Variants in GRID2 observed in about 807,000 individuals in gnomAD.
The protein encoded by GRID2 is glutamate receptor ionotropic, delta-2.
Under a neutral mutation model 114.8 loss-of-function variants are expected in GRID2, and 33 were observed. The ratio of observed to expected loss-of-function variants is 0.29; its 90% CI spans 0.22 to 0.38. The LOEUF is 0.38. Among genes scored for constraint, GRID2 ranks in the 10% least tolerant of loss-of-function variants. The pLI is 1.00. For missense variants in GRID2, 1,184 were observed against 1,257.7 expected, an observed-to-expected ratio of 0.94 and a Z score of 0.89; for synonymous variants, 505 against 449.9, an observed-to-expected ratio of 1.12 and a Z score of -1.55.
At chr4:92,561,554 C>A (rs888074529) in intron 1 of GRID2, among the ~76,000 whole-genome samples, 37 of 152,244 alleles carry the variant, frequency 2.4e-4, no homozygotes, top group African/African-American at 8.2e-4. Flanking sequence ...TTCTACAGAG[C>A]AGGATATATG....
At chr4:92,439,058 C>T (rs900097244) in intron 1 of GRID2, among the ~76,000 whole-genome samples, 15 of 151,148 alleles carry the variant, frequency 9.9e-5, no homozygotes, top group East Asian at 5.9e-4. Context: ...AGAGAGTCAG[C>T]GAAGGGAGAT....
chr4:92,853,634 G>A (rs1340034606), intron 2 of GRID2, among the ~76,000 whole-genome samples: 2 of 151,850 alleles, frequency 1.3e-5, no homozygotes, highest in African/African-American at 4.8e-5. Context: ...TTCAATGGTA[G>A]CATTTTATTA....
chr4:92,721,020 TAC>T (rs1345890610), intron 2 of GRID2, among the ~76,000 whole-genome samples: 5 of 152,088 alleles, frequency 3.3e-5, no homozygotes, highest in African/African-American at 1.2e-4. Context: ...AAATGAATCT[TAC>T]AGTTATTATG....
At chr4:92,846,665 C>T (rs1297407028) in intron 2 of GRID2, among the ~76,000 whole-genome samples, 2 of 152,060 alleles carry the variant, frequency 1.3e-5, no homozygotes, top group African/African-American at 2.4e-5. Flanking sequence ...CCACTGTCCA[C>T]CTCACGTATT....
In GRID2 at chr4:93,590,730, G is replaced by T. The variant is rs1052966804; in HGVS notation, c.2194-35539G>T. Among the ~76,000 whole-genome samples, 744 of 152,038 alleles carry T rather than the reference G, an allele frequency of 4.9e-3. 6 individuals are homozygous for T. Among genetic ancestry groups the T allele is most frequent in the Non-Finnish European group, 8.3e-3 (564 of 67,956 alleles). On this transcript the variant is annotated intron_variant, in intron 13 of 15. Coordinates refer to ENST00000282020, the MANE Select transcript of GRID2 (RefSeq NM_001510.4). ...TTTGTATGTATCCTCTTTTATTTCC[G>T]TGAGCAGCGGTTTGTAGTTCTCCTT... is the stretch of plus-strand genomic sequence containing the variant.
chr4:92,514,583 CACTG>C (rs886293828), intron 1 of GRID2, among the ~76,000 whole-genome samples: 4 of 151,842 alleles, frequency 2.6e-5, no homozygotes, highest in Admixed American at 2.6e-4. Flanking sequence ...GATGTGTCCT[CACTG>C]ACTTCACAAG....
At chr4:92,348,550 A>C (rs1054059164) in intron 1 of GRID2, among the ~76,000 whole-genome samples, 1 of 152,208 alleles carries the variant, frequency 6.6e-6, no homozygotes, top group Non-Finnish European at 1.5e-5. Flanking sequence ...TAAAAGAGCT[A>C]GTTTCAGCTT....
intron 11 of GRID2, among the ~76,000 whole-genome samples, chr4:93,481,486 A>C (rs1725856561): frequency 6.6e-6 from 1 of 152,062 alleles, no homozygotes; most frequent in Non-Finnish European, 1.5e-5. Flanking sequence ...CAAGATATTA[A>C]AATTTTACCT....
At position 92,626,245 on chromosome 4, in the gene GRID2, G is replaced by A. The variant is rs1428840684; in HGVS notation, c.244+35959G>A. Among the ~76,000 whole-genome samples, 3 of 151,754 alleles carry A rather than the reference G, an allele frequency of 2.0e-5. No individual in the cohort carries two copies. The South Asian group carries it at 6.2e-4, about 32-fold the overall frequency. On this transcript the variant is annotated intron_variant, in intron 2 of 15. Transcript: ENST00000282020. Reference sequence around the variant, plus strand: ...TGGCCTAGAGATTTTTAAATATTGTGGTAAGAGCATCACACAAAATGTAAC... The same window carrying A: ...TGGCCTAGAGATTTTTAAATATTGTAGTAAGAGCATCACACAAAATGTAAC...
At chr4:93,493,428 G>A (rs1727217427) in intron 12 of GRID2, among the ~76,000 whole-genome samples, 1 of 151,758 alleles carries the variant, frequency 6.6e-6, no homozygotes, top group African/African-American at 2.4e-5. Context: ...TATGGATGAA[G>A]AAACAGAGTT....
intron 13 of GRID2, among the ~76,000 whole-genome samples, chr4:93,570,686 G>C (rs182234842): frequency 6.4e-4 from 98 of 152,160 alleles, no homozygotes; most frequent in African/African-American, 2.1e-3. Flanking sequence ...ATTGTTATTT[G>C]TCAGCTAAGA....
At position 92,304,758 on chromosome 4, in the gene GRID2, G is replaced by A. The variant is rs1418657426; in HGVS notation, c.88+14G>A. On this transcript the variant is annotated intron_variant, in intron 1 of 15. Coordinates refer to ENST00000282020, the MANE Select transcript of GRID2 (RefSeq NM_001510.4). The stretch of plus-strand genomic sequence containing the variant: ...TCATTCACATCGGTAAGAAAGTGTT[G>A]GTGCAGCTCGTGGTTACTTTTACCG... 6.4e-7 allele frequency: 1 copy of A among 1,572,632 alleles called. No homozygotes were observed. Among genetic ancestry groups the A allele is most frequent in the African/African-American group, 1.3e-5 (1 of 74,244 alleles).
Position 93,224,744 on chromosome 4 carries a change from G to T in GRID2, c.1094G>T (p.Gly365Val). Residue 365 changes from glycine to valine, a missense_variant, in exon 7 of 16, where the codon GGT becomes GTT. Coordinates refer to ENST00000282020, the MANE Select transcript of GRID2 (RefSeq NM_001510.4). ...AGAAAGAACTCAAAGCCCTGGCAGG[G>T]TGGGCGCTCCATGTTGGAGACCATC... ...CIRKNSKPWQ[G>V]GRSMLETIKK... The T allele has an allele frequency of 6.2e-7, 1 of 1,613,218 alleles. No individual in the cohort carries two copies. Among genetic ancestry groups the T allele is most frequent in the Non-Finnish European group, 8.5e-7 (1 of 1,179,432 alleles).
At chr4:93,388,735 T>C (rs1370225396) in intron 8 of GRID2, among the ~76,000 whole-genome samples, 1 of 152,190 alleles carries the variant, frequency 6.6e-6, no homozygotes, top group African/African-American at 2.4e-5. Flanking sequence ...AGAGAAGCTA[T>C]GAAATTAGCT....
chr4:93,325,330 G>A (rs1298367440), intron 8 of GRID2, among the ~76,000 whole-genome samples: 2 of 151,904 alleles, frequency 1.3e-5, no homozygotes, highest in Non-Finnish European at 2.9e-5. Context: ...CTGAGGACTT[G>A]CATGTTTTAC....
chr4:93,475,187 C>A (rs1725206282), intron 11 of GRID2, among the ~76,000 whole-genome samples: 1 of 152,028 alleles, frequency 6.6e-6, no homozygotes, highest in South Asian at 2.1e-4. Flanking sequence ...TAAGAACTTC[C>A]TGGAAAAATT....
intron 14 of GRID2, among the ~76,000 whole-genome samples, chr4:93,706,289 A>G (rs1192435742): frequency 6.6e-6 from 1 of 152,208 alleles, no homozygotes; most frequent in Non-Finnish European, 1.5e-5. Flanking sequence ...CATTTTAACA[A>G]TATTGATACT....
intron 2 of GRID2, among the ~76,000 whole-genome samples, chr4:92,664,738 A>G (rs62309226): frequency 0.061 from 9,194 of 151,210 alleles, 335 homozygotes; most frequent in East Asian, 0.16. Flanking sequence ...GAATGTTTAC[A>G]TATCTTCATG....
chr4:93,339,058 T>C (rs1356056988), intron 8 of GRID2, among the ~76,000 whole-genome samples: 1 of 152,188 alleles, frequency 6.6e-6, no homozygotes, highest in Non-Finnish European at 1.5e-5. Context: ...GGTGAGGGTC[T>C]GAGGCCTTCT....
Sources: allele counts gnomAD v4.1 joint callset (sites outside exome capture counted in the v4.1 genomes callset), GRCh38; gene constraint gnomAD v4.1.1; transcripts MANE v1.5; gene names NCBI Gene and HGNC (gene_info 2026-07-23, HGNC 2026-07-21).